The following ADAMTSL1 variants were observed in gnomAD, a reference collection of about 807,000 sequenced individuals.
The protein encoded by ADAMTSL1 is ADAMTS like 1.
Under a neutral mutation model 201.8 loss-of-function variants are expected in ADAMTSL1, and 126 were observed. That is an observed-to-expected ratio of 0.62 (90% CI 0.54 to 0.72). ADAMTSL1 has a LOEUF of 0.72. Among genes scored for constraint, ADAMTSL1 ranks in the 30% least tolerant of loss-of-function variants. The pLI is 0.00. For missense variants in ADAMTSL1, 2,679 were observed against 2,277.8 expected, an observed-to-expected ratio of 1.18 and a Z score of -3.59; for synonymous variants, 1,121 against 903.4, an observed-to-expected ratio of 1.24 and a Z score of -4.32.
At chr9:18,118,000 C>T (rs1418062878) in intron 1 of ADAMTSL1, among the ~76,000 whole-genome samples, 1 of 152,116 alleles carries the variant, frequency 6.6e-6, no homozygotes, top group Non-Finnish European at 1.5e-5. Flanking sequence ...GCAACATTGT[C>T]CTAAATATAG....
At chr9:18,473,596 T>G (rs1809395216), upstream of ADAMTSL1, among the ~76,000 whole-genome samples, 1 of 152,158 alleles carries the variant, frequency 6.6e-6, no homozygotes, top group African/African-American at 2.4e-5. Flanking sequence ...AGAGAGAAAG[T>G]AAAGAGGAAC....
intron 1 of ADAMTSL1, among the ~76,000 whole-genome samples, chr9:17,982,414 A>T (rs1202002590): frequency 2.6e-5 from 4 of 152,116 alleles, no homozygotes; most frequent in Non-Finnish European, 5.9e-5. Flanking sequence ...GGAGTTCGAG[A>T]CCAGGCTGGC....
At chr9:18,264,012 AATCT>A (rs1294104316) in intron 2 of ADAMTSL1, among the ~76,000 whole-genome samples, 2 of 152,166 alleles carry the variant, frequency 1.3e-5, no homozygotes, top group Non-Finnish European at 2.9e-5. Context: ...TAATTAAATT[AATCT>A]ATCTATGCAT....
intron 3 of ADAMTSL1, among the ~76,000 whole-genome samples, chr9:18,569,726 C>A (rs1477850290): frequency 1.3e-5 from 2 of 152,064 alleles, no homozygotes; most frequent in African/African-American, 4.8e-5. Flanking sequence ...TAATTGTCTC[C>A]ATCAATGCTT....
rs573151954 is a variant in ADAMTSL1, at chr9:17,908,113, C to T, written c.87+1191C>T. Among the ~76,000 whole-genome samples, 57 of 152,068 alleles carry T rather than the reference C, an allele frequency of 3.7e-4. 1 individual carries two copies. In the South Asian group the frequency reaches 9.4e-3, roughly 25 times the overall value. On this transcript the variant is annotated intron_variant, in intron 1 of 29. Transcript: ENST00000680146. ...ACCGAGAATGTTGTCTCAGAAGGGC[C>T]CGGAGCAGCAGGGATTACTCTCATC...
chr9:18,356,672 G>T lies in ADAMTSL1; in HGVS notation c.208-148157G>T, dbSNP rs73430960. On this transcript the variant is annotated intron_variant, in intron 2 of 29. Transcript: ENST00000680146. ...CTTCATTTTGCACTACTTTCTAGAA[G>T]GTATTAAAATGAATCAATAAAATTG... Among the ~76,000 whole-genome samples the T allele has an allele frequency of 8.3e-3, 1,241 of 148,684 alleles. 21 individuals are homozygous for T. Among genetic ancestry groups the T allele is most frequent in the African/African-American group, 0.029 (1,161 of 40,360 alleles).
intron 2 of ADAMTSL1, among the ~76,000 whole-genome samples, chr9:18,412,735 C>G (rs1346611159): frequency 6.6e-6 from 1 of 152,150 alleles, no homozygotes; most frequent in African/African-American, 2.4e-5. Context: ...AGCCCCTTCT[C>G]CATTTATTCT....
At chr9:18,825,863 T>C (rs1326057896) in intron 21 of ADAMTSL1, among the ~76,000 whole-genome samples, 2 of 152,172 alleles carry the variant, frequency 1.3e-5, no homozygotes, top group African/African-American at 2.4e-5. Flanking sequence ...TTTCATGTAG[T>C]TTCATTTTCA....
chr9:18,693,908 G>A (rs993251383), intron 13 of ADAMTSL1, among the ~76,000 whole-genome samples: 3 of 152,176 alleles, frequency 2.0e-5, no homozygotes, highest in Admixed American at 6.5e-5. Context: ...TTGCTGTAAA[G>A]AGCTGTCTGA....
intron 4 of ADAMTSL1, among the ~76,000 whole-genome samples, chr9:18,593,714 T>C (rs530442359): frequency 6.6e-5 from 10 of 152,246 alleles, no homozygotes; most frequent in African/African-American, 2.4e-4. Context: ...TTTGTATAGT[T>C]TCCAAAATTC....
At chr9:18,752,494 T>G (rs1465397428) in intron 15 of ADAMTSL1, among the ~76,000 whole-genome samples, 1 of 152,240 alleles carries the variant, frequency 6.6e-6, no homozygotes, top group Non-Finnish European at 1.5e-5. Context: ...ACGTACAGCC[T>G]GAGCCACTGA....
intron 2 of ADAMTSL1, among the ~76,000 whole-genome samples, chr9:18,412,605 T>C (rs771562060): frequency 1.3e-5 from 2 of 152,216 alleles, no homozygotes; most frequent in Non-Finnish European, 1.5e-5. Context: ...CCAGTGATGA[T>C]CTATGAGGTG....
chr9:17,998,744 G>C (rs925846016), intron 1 of ADAMTSL1, among the ~76,000 whole-genome samples: 1 of 152,032 alleles, frequency 6.6e-6, no homozygotes, highest in Non-Finnish European at 1.5e-5. Flanking sequence ...CTGTCTAGGA[G>C]GTAGGCTTCT....
At chr9:18,036,532 T>C (rs1458533529) in intron 1 of ADAMTSL1, among the ~76,000 whole-genome samples, 1 of 152,156 alleles carries the variant, frequency 6.6e-6, no homozygotes, top group Non-Finnish European at 1.5e-5. Context: ...CTGGCCATGG[T>C]ATGTTTGGTT....
chr9:18,376,531 G>A (rs1031797467), intron 2 of ADAMTSL1, among the ~76,000 whole-genome samples: 52 of 152,232 alleles, frequency 3.4e-4, no homozygotes, highest in African/African-American at 1.3e-3. Context: ...AGGGCCCGGG[G>A]CGGTGGCTCA....
rs200822627 is a variant in ADAMTSL1, at chr9:18,680,333, C to A, written c.1158C>A (p.Thr386=). 3.1e-6 allele frequency: 5 copies of A among 1,614,050 alleles called. No homozygotes were observed. Among genetic ancestry groups the A allele is most frequent in the Non-Finnish European group, 4.2e-6 (5 of 1,180,022 alleles). Residue 386 remains threonine (T), a synonymous_variant, in exon 11 of 29, where the codon ACC becomes ACA. Coordinates refer to ENST00000380548, the MANE Select transcript of ADAMTSL1 (RefSeq NM_001040272.6). The part of the protein sequence containing the change: ...PLPRWEATPW[T]ACSSSCGGGI... Reference sequence around the variant, plus strand: ...GTAGGTGGGAGGCCACCCCATGGACCGCGTGCTCCTCCTCGTGTGGGGGGG... The same window carrying A: ...GTAGGTGGGAGGCCACCCCATGGACAGCGTGCTCCTCCTCGTGTGGGGGGG...
At chr9:18,530,631 C>T (rs139593483) in intron 2 of ADAMTSL1, among the ~76,000 whole-genome samples, 191 of 152,192 alleles carry the variant, frequency 1.3e-3, no homozygotes, top group African/African-American at 4.3e-3. Flanking sequence ...TCCATATATC[C>T]TTGACCTCCT....
chr9:18,596,833 G>T (rs552125761), intron 4 of ADAMTSL1, among the ~76,000 whole-genome samples: 6 of 152,306 alleles, frequency 3.9e-5, no homozygotes, highest in Non-Finnish European at 7.4e-5. Flanking sequence ...GTGAAACACT[G>T]TAATTCAGTT....
At chr9:18,042,387 C>G (rs964933501) in intron 1 of ADAMTSL1, among the ~76,000 whole-genome samples, 1 of 152,016 alleles carries the variant, frequency 6.6e-6, no homozygotes. Flanking sequence ...CATTATATGC[C>G]AGCAACTTTC....
Sources: gnomAD v4.1 joint callset for allele counts (sites outside exome capture counted in the v4.1 genomes callset) on GRCh38, gnomAD v4.1.1 for gene constraint, MANE v1.5 for transcripts, NCBI Gene and HGNC (gene_info 2026-07-23, HGNC 2026-07-21) for gene names.